The following SPAG9 variants were observed in gnomAD, a reference collection of about 807,000 sequenced individuals.
SPAG9 encodes C-Jun-amino-terminal kinase-interacting protein 4.
In SPAG9, 35 loss-of-function variants were observed where a neutral mutation model predicts 166.5. The ratio of observed to expected loss-of-function variants is 0.21; its 90% CI spans 0.16 to 0.28. The LOEUF (loss-of-function observed/expected upper bound fraction) is 0.28. SPAG9 is among the 10% of genes least tolerant of loss of function. The pLI is 1.00. For missense variants in SPAG9, 1,235 were observed against 1,603.3 expected (o/e 0.77, Z 3.92); for synonymous variants, 534 against 565.5 (o/e 0.94, Z 0.79).
chr17:50,984,544 G>A (rs751078559), intron 24 of SPAG9, among the ~76,000 whole-genome samples: 6 of 152,148 alleles, frequency 3.9e-5, no homozygotes, highest in Non-Finnish European at 8.8e-5. Flanking sequence ...AAAATTAGCT[G>A]GTCGTGGTGG....
intron 8 of SPAG9, among the ~76,000 whole-genome samples, chr17:51,018,737 G>A (rs2045808844): frequency 6.6e-6 from 1 of 152,116 alleles, no homozygotes; most frequent in African/African-American, 2.4e-5. Context: ...CTGGACTGAA[G>A]TGTCCGGCAG....
chr17:51,045,743 C>T (rs1369746882), intron 4 of SPAG9, among the ~76,000 whole-genome samples: 1 of 152,100 alleles, frequency 6.6e-6, no homozygotes, highest in Non-Finnish European at 1.5e-5. Flanking sequence ...CTCTAAAATA[C>T]AGAAGATGGC....
chr17:51,005,064 G>A, intron 12 of SPAG9, 148 bp downstream of exon 12: 1 of 663,412 alleles, frequency 1.5e-6, no homozygotes, highest in Non-Finnish European at 2.6e-6. Context: ...CCATGCAGAA[G>A]CATGAGCTAT....
At chr17:51,004,062 C>T (rs1371799988) in intron 12 of SPAG9, among the ~76,000 whole-genome samples, 2 of 152,070 alleles carry the variant, frequency 1.3e-5, no homozygotes, top group Non-Finnish European at 2.9e-5. Flanking sequence ...CAAAAACATG[C>T]CACTGAGGAA....
intron 1 of SPAG9, among the ~76,000 whole-genome samples, chr17:51,081,600 G>A (rs1403034451): frequency 1.3e-5 from 2 of 151,990 alleles, no homozygotes; most frequent in African/African-American, 4.8e-5. Context: ...AAAATTAGCT[G>A]GGTCTGGGGC....
rs1323353678 is a variant in SPAG9, at chr17:50,964,755, CTTGT to C, written c.*1513_*1516del. 2.2e-6 allele frequency: 1 copy of C among 452,494 alleles called. No individual in the cohort carries two copies. Among genetic ancestry groups the C allele is most frequent in the Non-Finnish European group, 4.4e-6 (1 of 225,254 alleles). 28.0% of individuals were successfully genotyped at this position (452,494 alleles called of 1,614,324 possible). On this transcript the variant is annotated 3_prime_UTR_variant, in exon 30 of 30. Transcript: ENST00000262013. Reference sequence around the variant, plus strand: ...AATCCAGACTTTAATCTATTTTTTGCTTGTTTGTCTGTTTTGAGACAGGGTCTTG... The same window carrying C: ...AATCCAGACTTTAATCTATTTTTTGCTTGTCTGTTTTGAGACAGGGTCTTG...
At chr17:51,077,870 C>T (rs1382805709) in intron 2 of SPAG9, among the ~76,000 whole-genome samples, 2 of 151,850 alleles carry the variant, frequency 1.3e-5, no homozygotes, top group Non-Finnish European at 1.5e-5. Flanking sequence ...AGGCTGGTCT[C>T]GAAACCCTGA....
intron 1 of SPAG9, among the ~76,000 whole-genome samples, chr17:51,104,582 G>T (rs1404353955): frequency 6.6e-6 from 1 of 152,026 alleles, no homozygotes. Flanking sequence ...GTGATGGCGA[G>T]GCGAGTTCAC....
chr17:50,977,006 C>T, intron 27 of SPAG9, 102 bp downstream of exon 27: 1 of 717,056 alleles, frequency 1.4e-6, no homozygotes, highest in East Asian at 2.6e-5. Context: ...AGATCTTTGC[C>T]ATCACTGATT....
At chr17:51,019,053 G>A (rs2144153127) in intron 8 of SPAG9, among the ~76,000 whole-genome samples, 1 of 152,218 alleles carries the variant, frequency 6.6e-6, no homozygotes, top group African/African-American at 2.4e-5. Context: ...AACAGGATTG[G>A]GGTCCTTATA....
intron 9 of SPAG9, 40 bp from the exon 10 acceptor site, chr17:51,007,366 C>T: frequency 4.4e-6 from 5 of 1,138,312 alleles, no homozygotes; most frequent in South Asian, 1.4e-5. Flanking sequence ...AAAATAAATG[C>T]ATCAATAATT....
chr17:51,004,181 G>A (rs765672676), intron 12 of SPAG9, among the ~76,000 whole-genome samples: 2 of 152,120 alleles, frequency 1.3e-5, no homozygotes, highest in Non-Finnish European at 2.9e-5. Context: ...TTAAGCAAAT[G>A]ATAAATATAG....
intron 3 of SPAG9, among the ~76,000 whole-genome samples, chr17:51,052,222 C>A (rs979924213): frequency 2.0e-5 from 3 of 152,160 alleles, no homozygotes; most frequent in South Asian, 2.1e-4. Context: ...TAAGGTTAAA[C>A]CCCTTCAGGC....
intron 27 of SPAG9, 48 bp downstream of exon 27, chr17:50,977,060 T>C (rs1974257691): frequency 1.7e-6 from 2 of 1,168,328 alleles, no homozygotes; most frequent in East Asian, 4.7e-5. Context: ...AACTATTTCC[T>C]ATAATTCTCC....
chr17:51,097,837 C>G lies in SPAG9; in HGVS notation c.304-18133G>C, dbSNP rs553095786. ...TTTAAGATAGGGTCTCACTCTGTTG[C>G]CTGGGTTGGAGTGCAGGTGACACGA... On this transcript the variant is annotated intron_variant, in intron 1 of 29. Coordinates refer to ENST00000262013, the MANE Select transcript of SPAG9 (RefSeq NM_001130528.3). Among the ~76,000 whole-genome samples, 3 of 152,204 alleles carry G rather than the reference C, an allele frequency of 2.0e-5. No homozygotes were observed. The South Asian group carries it at 6.2e-4, about 32-fold the overall frequency.
At chr17:50,981,052 C>T (rs541872392) in intron 25 of SPAG9, among the ~76,000 whole-genome samples, 13 of 152,184 alleles carry the variant, frequency 8.5e-5, no homozygotes, top group East Asian at 5.8e-4. Flanking sequence ...AAGGAACCCA[C>T]GCTGCTGTAT....
chr17:51,118,249 T>C (rs2049354835), intron 1 of SPAG9, among the ~76,000 whole-genome samples: 2 of 152,344 alleles, frequency 1.3e-5, no homozygotes, highest in Admixed American at 1.3e-4. Flanking sequence ...TCATGACCCT[T>C]TGCCCAATGG....
chr17:51,094,760 T>C (rs2048564851), intron 1 of SPAG9, among the ~76,000 whole-genome samples: 1 of 152,194 alleles, frequency 6.6e-6, no homozygotes, highest in South Asian at 2.1e-4. Flanking sequence ...GGATAATATA[T>C]CTCTTAAGTC....
chr17:50,984,806 T>A (rs1023958886), intron 24 of SPAG9, 117 bp downstream of exon 24: 1 of 797,688 alleles, frequency 1.3e-6, no homozygotes, highest in African/African-American at 1.7e-5. Context: ...TGTTGTGTAT[T>A]GTTAGTATTT....
Sources: allele counts gnomAD v4.1 joint callset (sites outside exome capture counted in the v4.1 genomes callset), GRCh38; gene constraint gnomAD v4.1.1; transcripts MANE v1.5; gene names NCBI Gene and HGNC (gene_info 2026-07-23, HGNC 2026-07-21).